Variants in RNF213 observed in about 807,000 individuals in gnomAD.
RNF213 encodes the protein E3 ubiquitin-protein ligase RNF213.
Under a neutral mutation model 514.4 loss-of-function variants are expected in RNF213, and 341 were observed. The observed-to-expected ratio is 0.66, with a 90% CI of 0.61 to 0.73. The LOEUF is 0.73. RNF213 is among the 30% of genes least tolerant of loss of function. The pLI is 0.00. For synonymous variants in RNF213, 2,655 were observed against 2,658.2 expected (o/e 1.00, Z 0.04); for missense variants, 5,767 against 6,615.6 (o/e 0.87, Z 4.45).
At position 80,298,354 on chromosome 17, in the gene RNF213, A is replaced by T. The variant is rs2045038790; in HGVS notation, c.2046A>T (p.Arg682Ser). ...WRLYLVNLCQ[R>S]CMDTRTYTWL... The stretch of plus-strand genomic sequence containing the variant: ...TGTACCTGGTGAACCTGTGCCAAAG[A>T]TGCATGGACACAAGGACGTACACCT... Residue 682 changes from arginine to serine, a missense_variant, in exon 11 of 68, where the codon AGA becomes AGT. Transcript: ENST00000582970. 1 of 1,613,952 alleles carries T rather than the reference A, an allele frequency of 6.2e-7. No homozygotes were observed. Among genetic ancestry groups the T allele is most frequent in the African/African-American group, 1.3e-5 (1 of 74,886 alleles).
intron 42 of RNF213, among the ~76,000 whole-genome samples, chr17:80,365,771 C>T (rs1295347484): frequency 6.6e-6 from 1 of 152,192 alleles, no homozygotes; most frequent in Admixed American, 6.5e-5. Context: ...AGCATGCAGC[C>T]TCTCCAAGTC....
At chr17:80,356,259 C>T (rs2078815234) in intron 36 of RNF213, among the ~76,000 whole-genome samples, 1 of 152,238 alleles carries the variant, frequency 6.6e-6, no homozygotes, top group African/African-American at 2.4e-5. Flanking sequence ...GCCTCAGCCT[C>T]CCGAAGTGCT....
At position 80,325,152 on chromosome 17, in the gene RNF213, G is replaced by C. The variant is rs1486920205; in HGVS notation, c.3147G>C (p.Lys1049Asn). ...CGGACAACTTCGATGACATTTTAAA[G>C]CATCTGCTCACGTTGGCAGATGTCA... ...RTADNFDDIL[K>N]HLLTLADVKH... The change falls in exon 18 of 68, where the codon AAG (lysine) becomes AAC (asparagine). Residue 1049 changes from lysine (K) to asparagine (N), a missense_variant. Transcript: ENST00000582970. 1 of 1,536,664 alleles carries C rather than the reference G, an allele frequency of 6.5e-7. No individual in the cohort carries two copies. The highest frequency in any genetic ancestry group is 1.4e-5 in the African/African-American group (1 of 73,018).
At position 80,346,811 on chromosome 17, in the gene RNF213, G is replaced by T. The variant is rs748247392; in HGVS notation, c.8476G>T (p.Ala2826Ser). 5 of 1,613,918 alleles carry T rather than the reference G, an allele frequency of 3.1e-6. No homozygotes were observed. The highest frequency in any genetic ancestry group is 4.2e-6 in the Non-Finnish European group (5 of 1,180,020). ...CATCATCAGCACCTTCCGGCAGTGC[G>T]CCCGCTTTCAGCAGGGGAAGGACCT... ...QGIISTFRQC[A>S]RFQQGKDLQQ... Residue 2826 changes from alanine to serine, a missense_variant, in exon 29 of 68, where the codon GCC becomes TCC. Transcript: ENST00000582970. The surrounding 1 kb of genome is among the most constrained non-coding windows in gnomAD (Gnocchi z 8.1).
intron 20 of RNF213, among the ~76,000 whole-genome samples, chr17:80,329,674 C>CA (rs2046363320): frequency 2.0e-5 from 3 of 152,034 alleles, no homozygotes; most frequent in Non-Finnish European, 4.4e-5. Flanking sequence ...AAAAAAAATA[C>CA]AAAAAAATTA....
At chr17:80,261,182 C>T (rs1182691770) in intron 1 of RNF213, among the ~76,000 whole-genome samples, 1 of 152,044 alleles carries the variant, frequency 6.6e-6, no homozygotes, top group African/African-American at 2.4e-5. Flanking sequence ...GCGCAGAGCG[C>T]GGAGGAGGCT....
At chr17:80,334,322 G>A (rs1056424505) in intron 22 of RNF213, 52 bp downstream of exon 22, 1 of 1,498,190 alleles carries the variant, frequency 6.7e-7, no homozygotes, top group Admixed American at 2.2e-5. Context: ...TTTTCAGATG[G>A]CGCACTGTGT....
chr17:80,383,997 G>A, intron 59 of RNF213, 69 bp downstream of exon 59: 6 of 1,575,796 alleles, frequency 3.8e-6, no homozygotes, highest in Non-Finnish European at 4.4e-6. Flanking sequence ...TGAAGGCCCT[G>A]GGCTTTTACG....
At chr17:80,289,622 C>T in intron 5 of RNF213, 37 bp from the exon 6 acceptor site, 1 of 1,601,254 alleles carries the variant, frequency 6.2e-7, no homozygotes, top group Non-Finnish European at 8.5e-7. Flanking sequence ...AATGTGGAGG[C>T]CGGCCTTCAA....
At chr17:80,311,685 G>A (rs540011892) in intron 14 of RNF213, among the ~76,000 whole-genome samples, 3 of 152,198 alleles carry the variant, frequency 2.0e-5, no homozygotes, top group South Asian at 4.2e-4. Flanking sequence ...TCCCACTCTC[G>A]GGCAGCCCCG....
intron 1 of RNF213, among the ~76,000 whole-genome samples, chr17:80,261,940 C>G (rs2043438252): frequency 1.3e-5 from 2 of 152,192 alleles, no homozygotes; most frequent in South Asian, 4.1e-4. Flanking sequence ...TCGCTAGAGC[C>G]CGGGAGGCGG....
intron 11 of RNF213, 167 bp downstream of exon 11, chr17:80,298,685 C>T (rs984954643): frequency 5.2e-6 from 4 of 770,660 alleles, no homozygotes; most frequent in African/African-American, 5.1e-5. Flanking sequence ...CAAGAATAGG[C>T]TGTGCACAGT....
At chr17:80,309,688 A>G (rs1426784980) in intron 14 of RNF213, among the ~76,000 whole-genome samples, 1 of 151,630 alleles carries the variant, frequency 6.6e-6, no homozygotes, top group Non-Finnish European at 1.5e-5. Flanking sequence ...TGGCAGGATG[A>G]CCCGGCTCCT....
At position 80,345,408 on chromosome 17, in the gene RNF213, G is replaced by A. The variant is rs1390341044; in HGVS notation, c.7073G>A (p.Arg2358Lys). The A allele has an allele frequency of 2.5e-6, 4 of 1,614,052 alleles. No individual in the cohort carries two copies. Among genetic ancestry groups the A allele is most frequent in the Non-Finnish European group, 2.5e-6 (3 of 1,179,962 alleles). The change falls in exon 29 of 68, where the codon AGG becomes AAG. Residue 2358 changes from arginine (R) to lysine (K), a missense_variant. Arg to Lys is a conservative substitution (Grantham distance 26). Coordinates refer to ENST00000582970, the MANE Select transcript of RNF213 (RefSeq NM_001256071.3). This position sits in a 1 kb window ranked among gnomAD's most constrained non-coding sequence, Gnocchi z 6.0. ...CTGTACCAGGGCCTGCTGCTCCAGA[G>A]GGTGCCCTTCAATGTCGACTTTGAT... ...RDLYQGLLLQRVPFNVDFDKL... is the reference protein window; with the variant it reads ...RDLYQGLLLQKVPFNVDFDKL...
intron 1 of RNF213, 27 bp downstream of exon 1, chr17:80,260,929 G>C (rs1212827278): frequency 1.3e-5 from 2 of 151,746 alleles, no homozygotes; most frequent in Non-Finnish European, 3.0e-5. Context: ...AGAGTCTCCC[G>C]GGGCGGGGAG....
chr17:80,362,356 GAATC>G (rs1210005420), intron 39 of RNF213, among the ~76,000 whole-genome samples: 1 of 152,104 alleles, frequency 6.6e-6, no homozygotes, highest in Non-Finnish European at 1.5e-5. Flanking sequence ...ATATTCTTAG[GAATC>G]AATAAGAAAA....
At chr17:80,273,125 C>T in intron 2 of RNF213, 116 bp from the exon 3 acceptor site, 2 of 1,399,502 alleles carry the variant, frequency 1.4e-6, no homozygotes, top group Non-Finnish European at 2.0e-6. Flanking sequence ...CAATGCAGGA[C>T]CTCGGAGGGA....
intron 13 of RNF213, 145 bp downstream of exon 13, chr17:80,307,346 A>T (rs2143590089): frequency 5.5e-6 from 3 of 549,786 alleles, no homozygotes; most frequent in Non-Finnish European, 6.6e-6. Context: ...TTCTCAGGTT[A>T]TTAATATTGT....
In RNF213 at chr17:80,344,886, A is replaced by C; in HGVS notation, c.6551A>C (p.Gln2184Pro). ...FNQNQDLDTF[Q>P]YQEGSVEGTP... ...CAAAACCAAGACCTAGACACGTTTC[A>C]GTATCAAGAAGGCTCTGTCGAAGGC... The change falls in exon 29 of 68, where the codon CAG (glutamine) becomes CCG (proline). Residue 2184 changes from glutamine (Q) to proline (P), a missense_variant. Gln to Pro is a moderately conservative substitution (Grantham distance 76, BLOSUM62 -1). Coordinates refer to ENST00000582970, the MANE Select transcript of RNF213 (RefSeq NM_001256071.3). 1 of 1,614,204 alleles carries C rather than the reference A, an allele frequency of 6.2e-7. No homozygotes were observed. The highest frequency in any genetic ancestry group is 1.1e-5 in the South Asian group (1 of 91,082).
Sources: allele counts gnomAD v4.1 joint callset (sites outside exome capture counted in the v4.1 genomes callset), GRCh38; gene constraint gnomAD v4.1.1; non-coding constraint Gnocchi (gnomAD v3.1); transcripts MANE v1.5; gene names NCBI Gene and HGNC (gene_info 2026-07-23, HGNC 2026-07-21).